The following GALNTL6 variants were observed in gnomAD, a reference collection of about 807,000 sequenced individuals.
GALNTL6 encodes polypeptide N-acetylgalactosaminyltransferase-like 6.
GALNTL6 carries 46 observed loss-of-function variants against 73.7 expected under a neutral mutation model. The ratio of observed to expected loss-of-function variants is 0.62; its 90% confidence interval spans 0.49 to 0.80. The LOEUF is 0.80. Among genes scored for constraint, GALNTL6 ranks in the 30% least tolerant of loss-of-function variants. GALNTL6 has a pLI of 0.00. For synonymous variants in GALNTL6, 259 were observed against 263.7 expected (o/e 0.98, Z 0.17); for missense variants, 604 against 755.0 (o/e 0.80, Z 2.34).
intron 10 of GALNTL6, among the ~76,000 whole-genome samples, chr4:172,952,878 G>A (rs1215635034): frequency 2.0e-5 from 3 of 152,150 alleles, no homozygotes; most frequent in East Asian, 1.9e-4. Flanking sequence ...CACCATCGGC[G>A]TTTGTAGAGA....
chr4:173,034,064 C>A (rs1753580950), intron 12 of GALNTL6, among the ~76,000 whole-genome samples: 1 of 152,168 alleles, frequency 6.6e-6, no homozygotes, highest in South Asian at 2.1e-4. Flanking sequence ...CTGAATACAG[C>A]TTTTCCTCTA....
intron 5 of GALNTL6, among the ~76,000 whole-genome samples, chr4:172,459,777 G>A (rs189140702): frequency 4.1e-4 from 63 of 152,176 alleles, no homozygotes; most frequent in Admixed American, 1.0e-3. Context: ...TGTCAAAATG[G>A]CCATACTGCC....
chr4:171,908,565 C>CCATTGT (rs1237032533), intron 2 of GALNTL6, among the ~76,000 whole-genome samples: 1 of 151,736 alleles, frequency 6.6e-6, no homozygotes, highest in Non-Finnish European at 1.5e-5. Context: ...ACTAGTTCAA[C>CCATTGT]CATTGTGGAA....
chr4:172,028,306 T>C (rs954931817), intron 2 of GALNTL6, among the ~76,000 whole-genome samples: 1 of 133,608 alleles, frequency 7.5e-6, no homozygotes, highest in East Asian at 2.1e-4. Flanking sequence ...GTATAAAAAC[T>C]TCAAAAAAAT....
chr4:172,898,746 A>G (rs1746468646), intron 8 of GALNTL6, among the ~76,000 whole-genome samples: 1 of 152,264 alleles, frequency 6.6e-6, no homozygotes, highest in African/African-American at 2.4e-5. Context: ...GCTATATTCA[A>G]ATAAGGGAGG....
At chr4:171,992,895 T>G (rs920745297) in intron 2 of GALNTL6, among the ~76,000 whole-genome samples, 1 of 152,118 alleles carries the variant, frequency 6.6e-6, no homozygotes, top group African/African-American at 2.4e-5. Context: ...TCTCATACTA[T>G]GCCTTCAGAC....
At chr4:172,485,753 G>C (rs1579117772) in intron 5 of GALNTL6, among the ~76,000 whole-genome samples, 1 of 152,266 alleles carries the variant, frequency 6.6e-6, no homozygotes, top group African/African-American at 2.4e-5. Context: ...TTGTTTTGCA[G>C]TACTAGCATT....
At chr4:172,185,915 T>C (rs966295759) in intron 2 of GALNTL6, among the ~76,000 whole-genome samples, 7 of 152,142 alleles carry the variant, frequency 4.6e-5, no homozygotes, top group African/African-American at 1.2e-4. Context: ...TAATGCAAAA[T>C]AGGCGCAACA....
chr4:172,300,961 G>A (rs1739892632), intron 3 of GALNTL6, among the ~76,000 whole-genome samples: 3 of 152,282 alleles, frequency 2.0e-5, no homozygotes, highest in African/African-American at 7.2e-5. Context: ...CCTGCAGAGT[G>A]TTTTCCACTT....
At chr4:172,956,620 G>A (rs774832479) in intron 10 of GALNTL6, among the ~76,000 whole-genome samples, 30 of 152,126 alleles carry the variant, frequency 2.0e-4, no homozygotes, top group Non-Finnish European at 3.5e-4. Flanking sequence ...CAAGTTTTTT[G>A]GGGCACAGTC....
chr4:172,761,273 G>T (rs1738067630), intron 5 of GALNTL6, among the ~76,000 whole-genome samples: 1 of 152,102 alleles, frequency 6.6e-6, no homozygotes, highest in Non-Finnish European at 1.5e-5. Flanking sequence ...CTTTATGGAG[G>T]ATGTATACTA....
intron 2 of GALNTL6, among the ~76,000 whole-genome samples, chr4:171,912,622 C>A (rs942782878): frequency 6.6e-6 from 1 of 152,134 alleles, no homozygotes; most frequent in Non-Finnish European, 1.5e-5. Flanking sequence ...TATAGTCTCC[C>A]TGCTATATTA....
At chr4:172,042,864 TA>T (rs397996272) in intron 2 of GALNTL6, among the ~76,000 whole-genome samples, 74 of 44,392 alleles carry the variant, frequency 1.7e-3, no homozygotes, top group South Asian at 7.9e-3. Context: ...TCTTTAACAG[TA>T]AAAAAAAAAA....
chr4:171,868,942 A>C (rs1736055687), intron 2 of GALNTL6, among the ~76,000 whole-genome samples: 1 of 152,174 alleles, frequency 6.6e-6, no homozygotes. Context: ...CGGCCTGCCA[A>C]AGTGCTGGGA....
intron 8 of GALNTL6, among the ~76,000 whole-genome samples, chr4:172,925,162 G>T (rs892647753): frequency 6.7e-6 from 1 of 148,480 alleles, no homozygotes; most frequent in Non-Finnish European, 1.5e-5. Context: ...ATGAGCCACC[G>T]CACCAGGCTT....
At chr4:172,437,773 A>G (rs907345950) in intron 5 of GALNTL6, among the ~76,000 whole-genome samples, 1 of 152,072 alleles carries the variant, frequency 6.6e-6, no homozygotes, top group Non-Finnish European at 1.5e-5. Flanking sequence ...TCTATTTTCC[A>G]TATTTCAGGA....
At chr4:172,689,042 C>T (rs1338172958) in intron 5 of GALNTL6, among the ~76,000 whole-genome samples, 7 of 152,058 alleles carry the variant, frequency 4.6e-5, no homozygotes. Flanking sequence ...ATTTTGTTTT[C>T]CAGAGAGCCA....
intron 5 of GALNTL6, among the ~76,000 whole-genome samples, chr4:172,457,229 A>C (rs1376695333): frequency 2.0e-5 from 3 of 151,458 alleles, no homozygotes; most frequent in East Asian, 1.9e-4. Flanking sequence ...AAAAAAACCC[A>C]AAAAAACAGT....
chr4:172,948,618 A>ATTTTTTTTTTTTTTTTTTTTTTTTTTTTT (rs369982668), intron 9 of GALNTL6, among the ~76,000 whole-genome samples: 1 of 136,542 alleles, frequency 7.3e-6, no homozygotes, highest in Non-Finnish European at 1.6e-5. Flanking sequence ...AGCCTCGCTA[A>ATTTTTTTTTTTTTTTTTTTTTTTTTTTTT]TTTTTTTTTT....
Sources: allele counts gnomAD v4.1 joint callset (sites outside exome capture counted in the v4.1 genomes callset), GRCh38; gene constraint gnomAD v4.1.1; transcripts MANE v1.5; gene names NCBI Gene and HGNC (gene_info 2026-07-23, HGNC 2026-07-21).